Variants in AGO3 observed in about 807,000 individuals in gnomAD.
The protein encoded by AGO3 is protein argonaute-3.
A neutral mutation model predicts 105.5 loss-of-function variants in AGO3; 16 were observed. The observed-to-expected ratio is 0.15, with a 90% CI of 0.10 to 0.23. The LOEUF is 0.23. Ranked by LOEUF, AGO3 falls within the 10% of genes least tolerant of loss-of-function variation. The probability of loss-of-function intolerance (pLI) is 1.00; values close to 1 mark genes in which losing one functional copy is unlikely to be tolerated. For synonymous variants in AGO3, 340 were observed against 367.3 expected (o/e 0.93, Z 0.85); for missense variants, 534 against 1,088.0 (o/e 0.49, Z 7.16).
chr1:35,934,539 CA>C (rs1335473662), intron 1 of AGO3, among the ~76,000 whole-genome samples: 3 of 152,098 alleles, frequency 2.0e-5, no homozygotes, highest in Admixed American at 6.5e-5. Context: ...AGAACTAAAT[CA>C]AGATTGGGAT....
chr1:36,010,101 G>T (rs1480089435), intron 9 of AGO3, among the ~76,000 whole-genome samples: 1 of 151,806 alleles, frequency 6.6e-6, no homozygotes, highest in African/African-American at 2.4e-5. Context: ...ACCACGCCTG[G>T]CTAATTTTTT....
At chr1:35,996,288 C>G (rs1188985265) in intron 5 of AGO3, among the ~76,000 whole-genome samples, 2 of 150,650 alleles carry the variant, frequency 1.3e-5, no homozygotes, top group Non-Finnish European at 2.9e-5. Flanking sequence ...CACCACTGTA[C>G]TTCTGCCAGG....
At chr1:36,053,278 T>A (rs934082703) in intron 17 of AGO3, among the ~76,000 whole-genome samples, 4 of 151,992 alleles carry the variant, frequency 2.6e-5, no homozygotes, top group Admixed American at 2.0e-4. Context: ...ATTTTTATTT[T>A]TATTTATTTA....
At chr1:35,973,761 G>A (rs937701193) in intron 5 of AGO3, among the ~76,000 whole-genome samples, 3 of 152,142 alleles carry the variant, frequency 2.0e-5, no homozygotes, top group African/African-American at 4.8e-5. Context: ...GATTATCTGA[G>A]CAATCTTCTA....
At chr1:35,969,078 C>T (rs1245364351) in intron 3 of AGO3, among the ~76,000 whole-genome samples, 1 of 151,938 alleles carries the variant, frequency 6.6e-6, no homozygotes, top group Non-Finnish European at 1.5e-5. Flanking sequence ...GTTGTTTGCC[C>T]ATTTTTTGAA....
At chr1:36,017,923 A>G (rs1030207222) in intron 11 of AGO3, among the ~76,000 whole-genome samples, 2 of 151,890 alleles carry the variant, frequency 1.3e-5, no homozygotes, top group Admixed American at 1.3e-4. Flanking sequence ...AAAACACACC[A>G]TAGAAAAATA....
Position 35,931,374 on chromosome 1 carries a change from G to T in AGO3, c.-53G>T. Reference sequence around the variant, plus strand: ...GCGTCGCCCCCCGGGCCGCCTCCTTGCCGCCAGTGGCGGGCTCCGTTCTCC... The same window carrying T: ...GCGTCGCCCCCCGGGCCGCCTCCTTTCCGCCAGTGGCGGGCTCCGTTCTCC... On this transcript the variant is annotated 5_prime_UTR_variant, in exon 1 of 19. Transcript: ENST00000373191. 2 of 1,412,562 alleles carry T rather than the reference G, an allele frequency of 1.4e-6. No homozygotes were observed. The highest frequency in any genetic ancestry group is 1.9e-6 in the Non-Finnish European group (2 of 1,076,794). The allele number at this position is 1,412,562 out of a possible 1,614,324, so 87.5% of individuals were successfully genotyped here. A position where few individuals can be genotyped will look rare whatever the true frequency, so the allele number is the denominator to read the frequency against.
chr1:35,987,612 G>C (rs1386099207), intron 5 of AGO3, among the ~76,000 whole-genome samples: 1 of 151,986 alleles, frequency 6.6e-6, no homozygotes, highest in East Asian at 1.9e-4. Flanking sequence ...CCAATTTCAA[G>C]ATTTTGGATC....
At chr1:35,978,143 A>G (rs1260541628) in intron 5 of AGO3, among the ~76,000 whole-genome samples, 2 of 152,214 alleles carry the variant, frequency 1.3e-5, no homozygotes, top group African/African-American at 2.4e-5. Context: ...ACTTGAATCA[A>G]TGAAATAAAA....
chr1:36,060,903 T>C lies in AGO3; in HGVS notation c.*5158T>C, dbSNP rs942646732. ...GGAGGTTTGACATCAAGTAACGCCT[T>C]CCTGTGTAGCAGTATAACCCTAATT... is the stretch of plus-strand genomic sequence containing the variant. On this transcript the variant is annotated 3_prime_UTR_variant, in exon 19 of 19. Transcript: ENST00000373191. The C allele has an allele frequency of 1.3e-5, 2 of 152,338 alleles. No individual in the cohort carries two copies. Among genetic ancestry groups the C allele is most frequent in the Admixed American group, 1.3e-4 (2 of 15,296 alleles). 9.4% of individuals were successfully genotyped at this position (152,338 alleles called of 1,614,324 possible). A position where few individuals can be genotyped will look rare whatever the true frequency, so the allele number is the denominator to read the frequency against.
intron 11 of AGO3, among the ~76,000 whole-genome samples, chr1:36,015,327 C>T (rs575544744): frequency 6.6e-6 from 1 of 152,288 alleles, no homozygotes; most frequent in East Asian, 1.9e-4. Context: ...CTGGGTACAC[C>T]ACCCTCCAGG....
intron 5 of AGO3, among the ~76,000 whole-genome samples, chr1:35,976,584 T>G (rs1646960564): frequency 6.6e-6 from 1 of 152,230 alleles, no homozygotes; most frequent in Non-Finnish European, 1.5e-5. Context: ...CATTAAGCAT[T>G]GTATGTATAC....
At chr1:35,990,995 A>C (rs1386256068) in intron 5 of AGO3, among the ~76,000 whole-genome samples, 2 of 152,148 alleles carry the variant, frequency 1.3e-5, no homozygotes, top group East Asian at 3.9e-4. Context: ...CAGGCGGGCT[A>C]TCTTCACATT....
chr1:36,024,241 C>T (rs61043107), intron 11 of AGO3, among the ~76,000 whole-genome samples: 2,302 of 149,716 alleles, frequency 0.015, 47 homozygotes, highest in African/African-American at 0.054. Flanking sequence ...CAGGCTCAAA[C>T]GATCCTCCCA....
intron 1 of AGO3, among the ~76,000 whole-genome samples, chr1:35,935,767 G>C (rs1290260306): frequency 6.6e-6 from 1 of 152,090 alleles, no homozygotes; most frequent in Non-Finnish European, 1.5e-5. Context: ...TTTCACATCG[G>C]TTTCTATATT....
intron 1 of AGO3, among the ~76,000 whole-genome samples, chr1:35,939,761 A>G (rs1646218425): frequency 6.6e-6 from 1 of 152,130 alleles, no homozygotes; most frequent in Non-Finnish European, 1.5e-5. Context: ...ATATTTTACT[A>G]TAGAGAATTT....
intron 1 of AGO3, among the ~76,000 whole-genome samples, chr1:35,941,666 T>G (rs1330691684): frequency 5.9e-5 from 9 of 152,134 alleles, no homozygotes; most frequent in Non-Finnish European, 4.4e-5. Context: ...TTTATAGGGT[T>G]GGTATGAAGA....
At position 35,990,796 on chromosome 1, in the gene AGO3, T is replaced by C. The variant is rs74957909; in HGVS notation, c.659-13545T>C. Reference sequence around the variant, plus strand: ...CATGTATTTGTCTTGAGTTCAGGTATAAGATTGCTAAGATTGAGAAATAAT... The same window carrying C: ...CATGTATTTGTCTTGAGTTCAGGTACAAGATTGCTAAGATTGAGAAATAAT... On this transcript the variant is annotated intron_variant, in intron 5 of 18. Coordinates refer to ENST00000373191, the MANE Select transcript of AGO3 (RefSeq NM_024852.4). Among the ~76,000 whole-genome samples, 1,013 of 152,336 alleles carry C rather than the reference T, an allele frequency of 6.6e-3. 9 individuals are homozygous for C. The highest frequency in any genetic ancestry group is 0.023 in the African/African-American group (962 of 41,578).
intron 15 of AGO3, 66 bp from the exon 16 acceptor site, chr1:36,040,241 C>T (rs1642190130): frequency 1.3e-6 from 2 of 1,498,102 alleles, no homozygotes; most frequent in Admixed American, 2.0e-5. Context: ...AAATCATTAT[C>T]CTACTTTGAA....
Sources: gnomAD v4.1 joint callset for allele counts (sites outside exome capture counted in the v4.1 genomes callset) on GRCh38, gnomAD v4.1.1 for gene constraint, MANE v1.5 for transcripts, NCBI Gene and HGNC (gene_info 2026-07-23, HGNC 2026-07-21) for gene names.